The following VPS13B variants were observed in gnomAD, a reference collection of about 807,000 sequenced individuals.
The protein encoded by VPS13B is intermembrane lipid transfer protein VPS13B.
Under a neutral mutation model 426.4 loss-of-function variants are expected in VPS13B, and 285 were observed. That is an observed-to-expected ratio of 0.67 (90% CI 0.61 to 0.74). VPS13B has a LOEUF of 0.74. Among genes scored for constraint, VPS13B ranks in the 30% least tolerant of loss-of-function variants. The pLI is 0.00. For missense variants in VPS13B, 4,537 were observed against 4,782.6 expected, an observed-to-expected ratio of 0.95 and a Z score of 1.51; for synonymous variants, 1,676 against 1,676.4, an observed-to-expected ratio of 1.00 and a Z score of 0.01.
intron 21 of VPS13B, among the ~76,000 whole-genome samples, chr8:99,416,069 A>C (rs1017115621): frequency 6.6e-6 from 1 of 152,190 alleles, no homozygotes; most frequent in African/African-American, 2.4e-5. Flanking sequence ...TTTATCTATA[A>C]GCCCCTGACT....
intron 23 of VPS13B, among the ~76,000 whole-genome samples, chr8:99,459,973 G>T (rs3105200): frequency 0.26 from 39,804 of 151,812 alleles, 5,956 homozygotes; most frequent in East Asian, 0.44. Context: ...AGCTTTTTAC[G>T]TTAAACTTAC....
intron 19 of VPS13B, among the ~76,000 whole-genome samples, chr8:99,302,596 A>G (rs762638884): frequency 2.5e-4 from 38 of 152,040 alleles, no homozygotes; most frequent in Non-Finnish European, 3.7e-4. Context: ...TGCAACCTCC[A>G]TCTCCTAGGT....
intron 19 of VPS13B, among the ~76,000 whole-genome samples, chr8:99,358,002 T>TCACACACACACA (rs34418547): frequency 2.6e-4 from 38 of 144,418 alleles, no homozygotes; most frequent in African/African-American, 8.6e-4. Flanking sequence ...GGATTAAATA[T>TCACACACACACA]CACACACACA....
chr8:99,170,841 AT>A (rs1812290761), intron 16 of VPS13B, among the ~76,000 whole-genome samples: 1 of 151,674 alleles, frequency 6.6e-6, no homozygotes, highest in Admixed American at 6.6e-5. Context: ...CATTTTTCCA[AT>A]TTAAAATGTG....
chr8:99,688,248 A>C (rs935189285), intron 35 of VPS13B, among the ~76,000 whole-genome samples: 2 of 151,716 alleles, frequency 1.3e-5, no homozygotes, highest in African/African-American at 4.9e-5. Flanking sequence ...TTTAAAACAA[A>C]TTATTTGGAA....
chr8:99,637,161 C>G (rs1022129780), intron 33 of VPS13B, among the ~76,000 whole-genome samples: 2 of 151,950 alleles, frequency 1.3e-5, no homozygotes, highest in Admixed American at 6.6e-5. Flanking sequence ...TCGTTTTCCA[C>G]AAAGGAATAG....
chr8:99,790,890 T>C (rs1002619617), intron 43 of VPS13B, among the ~76,000 whole-genome samples: 3 of 151,932 alleles, frequency 2.0e-5, no homozygotes, highest in African/African-American at 7.3e-5. Flanking sequence ...GTAGAGTACA[T>C]GTGTGGAGCT....
intron 19 of VPS13B, among the ~76,000 whole-genome samples, chr8:99,319,029 A>G (rs1266717223): frequency 6.6e-6 from 1 of 152,208 alleles, no homozygotes. Flanking sequence ...TCATAATTGT[A>G]CTTTCCTAAG....
intron 52 of VPS13B, 83 bp from the exon 53 acceptor site, chr8:99,835,114 A>G: frequency 6.3e-7 from 1 of 1,585,628 alleles, no homozygotes; most frequent in East Asian, 2.2e-5. Context: ...GAATGTTGCA[A>G]ATCTAAATAA....
At chr8:99,565,949 AT>A (rs1745175096) in intron 31 of VPS13B, among the ~76,000 whole-genome samples, 1 of 152,166 alleles carries the variant, frequency 6.6e-6, no homozygotes, top group Admixed American at 6.5e-5. Flanking sequence ...GAATGATATG[AT>A]TTTATAATTT....
At chr8:99,557,824 G>A (rs1824671152) in intron 31 of VPS13B, among the ~76,000 whole-genome samples, 1 of 152,134 alleles carries the variant, frequency 6.6e-6, no homozygotes, top group African/African-American at 2.4e-5. Context: ...GAAATAGGTA[G>A]AATCATTTGC....
rs985629488 is a variant in VPS13B at position 99,234,228 on chromosome 8, A to G, written c.2516-39970A>G. The G allele has an allele frequency of 6.5e-6, 5 of 774,952 alleles. 1 individual carries two copies. The highest frequency in any genetic ancestry group is 5.4e-5 in the South Asian group (4 of 74,574). The allele number at this position is 774,952 out of a possible 1,614,324, so 48.0% of individuals were successfully genotyped here. A position where few individuals can be genotyped will look rare whatever the true frequency, so the allele number is the denominator to read the frequency against. The stretch of plus-strand genomic sequence containing the variant: ...AAACTGATGCCCGCTTAGCTCCTCC[A>G]TGGCTATTTTGCTTCTTCCCTTGTT... On this transcript the variant is annotated intron_variant, in intron 17 of 61. Transcript: ENST00000357162.
rs1165382455 is a variant in VPS13B at position 99,624,007 on chromosome 8, A to AT, written c.5221-17779dup. 2.2e-3 allele frequency among the ~76,000 whole-genome samples: 218 copies of AT among 101,132 alleles called. 4 individuals carry two copies. Among genetic ancestry groups the AT allele is most frequent in the African/African-American group, 3.9e-3 (89 of 22,794 alleles). 66.3% of individuals were successfully genotyped at this position (101,132 alleles called of 152,430 possible). On this transcript the variant is annotated intron_variant, in intron 33 of 61. Coordinates refer to ENST00000357162, the MANE Select transcript of VPS13B (RefSeq NM_152564.5). ...CTATGAAACATACATATATATATAT[A>AT]TTTTTTTTTTTTTTTTTTTTTTTTT...
intron 3 of VPS13B, among the ~76,000 whole-genome samples, chr8:99,090,435 T>C (rs1461393547): frequency 6.6e-6 from 1 of 152,046 alleles, no homozygotes; most frequent in African/African-American, 2.4e-5. Context: ...GCCCAGCTAA[T>C]TTTTTTGAAG....
rs562963494 is a variant in VPS13B, at chr8:99,545,480, T to A, written c.4746-10970T>A. ...CAAGGAATTAAGGAGCTAAATTTTT[T>A]AAATTGTATTTAATTTTAATTAATT... On this transcript the variant is annotated intron_variant, in intron 30 of 61. Transcript: ENST00000357162. Among the ~76,000 whole-genome samples, 7 of 152,240 alleles carry A rather than the reference T, an allele frequency of 4.6e-5. No individual in the cohort carries two copies. In the South Asian group the frequency reaches 6.2e-4, roughly 14 times the overall value.
At chr8:99,311,841 A>C (rs1320977105) in intron 19 of VPS13B, among the ~76,000 whole-genome samples, 1 of 152,106 alleles carries the variant, frequency 6.6e-6, no homozygotes, top group African/African-American at 2.4e-5. Flanking sequence ...TTGCTTTATG[A>C]ATCTGTGTGC....
chr8:99,447,955 T>G (rs549459275), intron 23 of VPS13B, among the ~76,000 whole-genome samples: 1 of 151,680 alleles, frequency 6.6e-6, no homozygotes, highest in Non-Finnish European at 1.5e-5. Context: ...TTAAAATCTC[T>G]CTTATTTCTA....
At chr8:99,703,497 C>T (rs1016510952) in intron 36 of VPS13B, among the ~76,000 whole-genome samples, 2 of 151,902 alleles carry the variant, frequency 1.3e-5, no homozygotes, top group Admixed American at 6.6e-5. Context: ...TGCTGAAAAT[C>T]CTATGATTAT....
At chr8:99,043,134 C>T (rs1387705799) in intron 3 of VPS13B, among the ~76,000 whole-genome samples, 6 of 151,806 alleles carry the variant, frequency 4.0e-5, no homozygotes, top group Non-Finnish European at 7.4e-5. Context: ...TTTCACAGGA[C>T]GAAGTTTTTT....
Sources: gnomAD v4.1 joint callset for allele counts (sites outside exome capture counted in the v4.1 genomes callset) on GRCh38, gnomAD v4.1.1 for gene constraint, MANE v1.5 for transcripts, NCBI Gene and HGNC (gene_info 2026-07-23, HGNC 2026-07-21) for gene names.